DHRSX: variants seen among roughly 807,000 people sequenced by gnomAD.
DHRSX encodes dehydrogenase/reductase X-linked, also known as polyprenol dehydrogenase.
Under a neutral mutation model 34.0 loss-of-function variants are expected in DHRSX, and 31 were observed. The observed-to-expected ratio is 0.91, with a 90% CI of 0.69 to 1.23. The LOEUF (loss-of-function observed/expected upper bound fraction) is 1.23, where lower values mean the gene tolerates loss of function less well. Among genes scored for constraint, DHRSX ranks in the 50% most tolerant of loss-of-function variants. DHRSX has a pLI of 0.00. For missense variants in DHRSX, 414 were observed against 428.1 expected (o/e 0.97, Z 0.29); for synonymous variants, 201 against 183.8 (o/e 1.09, Z -0.76).
intron 1 of DHRSX, chrX:2,486,503 G>C (rs2044933362): frequency 6.6e-6 from 1 of 152,210 alleles, no homozygotes; most frequent in Non-Finnish European, 1.5e-5. Flanking sequence ...CCGTTCAGGA[G>C]GGGAACGATG....
At chrX:2,495,897 C>T (rs1224095209) in intron 1 of DHRSX, among the ~76,000 whole-genome samples, 1 of 152,100 alleles carries the variant, frequency 6.6e-6, no homozygotes, top group African/African-American at 2.4e-5. Context: ...CAGAACGACA[C>T]GTCGCAAGAG....
intron 1 of DHRSX, among the ~76,000 whole-genome samples, chrX:2,492,134 C>A (rs1250866213): frequency 1.3e-5 from 2 of 152,158 alleles, no homozygotes; most frequent in African/African-American, 4.8e-5. Flanking sequence ...TCCTCCCCTA[C>A]CAAAGAAAAT....
chrX:2,258,578 G>T (rs915017637), intron 5 of DHRSX, among the ~76,000 whole-genome samples: 6 of 152,020 alleles, frequency 3.9e-5, no homozygotes, highest in Non-Finnish European at 8.8e-5. Flanking sequence ...GCCTCAGGAG[G>T]AGTCAGCCAC....
intron 3 of DHRSX, among the ~76,000 whole-genome samples, chrX:2,401,264 C>A (rs1228039262): frequency 6.6e-6 from 1 of 152,124 alleles, no homozygotes; most frequent in African/African-American, 2.4e-5. Context: ...GCACCCGCCA[C>A]CATACCTGAC....
chrX:2,444,969 C>T (rs1280043395), intron 1 of DHRSX, among the ~76,000 whole-genome samples: 1 of 152,096 alleles, frequency 6.6e-6, no homozygotes, highest in Non-Finnish European at 1.5e-5. Context: ...CCAGCCTGGC[C>T]AACATGGAGA....
chrX:2,364,719 AT>A, intron 3 of DHRSX, among the ~76,000 whole-genome samples: 1 of 151,964 alleles, frequency 6.6e-6, no homozygotes, highest in Non-Finnish European at 1.5e-5. Context: ...TTTATTATCT[AT>A]CAAGTACATA....
intron 3 of DHRSX, among the ~76,000 whole-genome samples, chrX:2,351,317 G>C (rs1423816343): frequency 6.6e-6 from 1 of 152,152 alleles, no homozygotes; most frequent in East Asian, 1.9e-4. Context: ...AATGAGACTG[G>C]CCAACTTTCC....
chrX:2,475,951 G>T (rs1419833130), intron 1 of DHRSX, among the ~76,000 whole-genome samples: 3 of 152,110 alleles, frequency 2.0e-5, no homozygotes, highest in Non-Finnish European at 4.4e-5. Context: ...TAAATAAATG[G>T]CTCCCTTAAC....
intron 3 of DHRSX, among the ~76,000 whole-genome samples, 179 bp from the exon 4 acceptor site, chrX:2,291,782 C>T (rs751137855): frequency 7.5e-4 from 114 of 152,046 alleles, no homozygotes; most frequent in African/African-American, 2.7e-3. Flanking sequence ...GGCAGGATCT[C>T]AGCTCACTGC....
In DHRSX at chrX:2,273,330, T is replaced by C. The variant is rs762777476; in HGVS notation, c.389-6383A>G. Among the ~76,000 whole-genome samples, 7 of 152,236 alleles carry C rather than the reference T, an allele frequency of 4.6e-5. No homozygotes were observed. The East Asian group carries it at 7.7e-4, about 17-fold the overall frequency. On this transcript the variant is annotated intron_variant, in intron 4 of 6. Transcript: ENST00000334651. ...ACCTAAGTACCCCTCCGTGGAGTACTGGATAAAGAAAATGGAATGGAATAC... is the reference window on the plus strand; with the variant it reads ...ACCTAAGTACCCCTCCGTGGAGTACCGGATAAAGAAAATGGAATGGAATAC...
At chrX:2,315,018 C>T (rs2042225275) in intron 3 of DHRSX, among the ~76,000 whole-genome samples, 3 of 152,058 alleles carry the variant, frequency 2.0e-5, no homozygotes, top group Admixed American at 1.3e-4. Flanking sequence ...ACTAGCCAGG[C>T]GTGGTGGCGC....
At chrX:2,355,380 C>T (rs2042836244) in intron 3 of DHRSX, among the ~76,000 whole-genome samples, 1 of 151,770 alleles carries the variant, frequency 6.6e-6, no homozygotes, top group Admixed American at 6.6e-5. Flanking sequence ...TGCGTTGTGG[C>T]GCATGCCTGT....
intron 1 of DHRSX, among the ~76,000 whole-genome samples, chrX:2,498,277 T>C (rs1341302210): frequency 3.9e-5 from 6 of 152,124 alleles, no homozygotes; most frequent in African/African-American, 1.4e-4. Context: ...AGTGGGGAAA[T>C]TGGCCCTCTT....
At position 2,249,929 on chromosome X, in the gene DHRSX, C is replaced by G. The variant is rs555732279; in HGVS notation, c.597-6699G>C. On this transcript the variant is annotated intron_variant, in intron 5 of 6. Coordinates refer to ENST00000334651, the MANE Select transcript of DHRSX (RefSeq NM_145177.3). ...CTGTAATCCCAGGACTTTGGGAGGC[C>G]AAGGCTGGCAGATCACGAGGTCAGG... is the stretch of plus-strand genomic sequence containing the variant. Among the ~76,000 whole-genome samples, 5 of 151,538 alleles carry G rather than the reference C, an allele frequency of 3.3e-5. No individual in the cohort carries two copies. The South Asian group carries it at 1.0e-3, about 32-fold the overall frequency.
intron 3 of DHRSX, among the ~76,000 whole-genome samples, chrX:2,346,554 T>G (rs1221180127): frequency 6.6e-6 from 1 of 152,046 alleles, no homozygotes; most frequent in Non-Finnish European, 1.5e-5. Flanking sequence ...CTCCCATAGC[T>G]TCTTCTCACA....
chrX:2,438,764 G>A (rs1169743626), intron 1 of DHRSX, among the ~76,000 whole-genome samples: 1 of 151,890 alleles, frequency 6.6e-6, no homozygotes, highest in Non-Finnish European at 1.5e-5. Flanking sequence ...AGCAGGTGGA[G>A]CTTCATATAT....
At chrX:2,489,992 G>A (rs765040473) in intron 1 of DHRSX, 18 of 1,613,906 alleles carry the variant, frequency 1.1e-5, no homozygotes, top group Middle Eastern at 1.7e-4. Context: ...GGTCTCCGCC[G>A]TGTTCTCTTC....
chrX:2,228,777 CAG>C (rs1475630536), intron 6 of DHRSX, among the ~76,000 whole-genome samples: 1 of 152,098 alleles, frequency 6.6e-6, no homozygotes, highest in Non-Finnish European at 1.5e-5. Context: ...CCAGGGCACA[CAG>C]AGATATTTGC....
At chrX:2,454,245 G>T (rs1288314667) in intron 1 of DHRSX, among the ~76,000 whole-genome samples, 1 of 152,086 alleles carries the variant, frequency 6.6e-6, no homozygotes, top group Non-Finnish European at 1.5e-5. Flanking sequence ...ATCCACACTG[G>T]GCCGGGCGCT....
Sources: gnomAD v4.1 joint callset for allele counts (sites outside exome capture counted in the v4.1 genomes callset) on GRCh38, gnomAD v4.1.1 for gene constraint, MANE v1.5 for transcripts, NCBI Gene and HGNC (gene_info 2026-07-23, HGNC 2026-07-21) for gene names.